The following FUT8 variants were observed in gnomAD, a reference collection of about 807,000 sequenced individuals.
FUT8 encodes fucosyltransferase 8, also known as alpha-(1,6)-fucosyltransferase.
In FUT8, 29 loss-of-function variants were observed where a neutral mutation model predicts 71.3. That is an observed-to-expected ratio of 0.41 (90% confidence interval 0.30 to 0.55). FUT8 has a LOEUF of 0.55. FUT8 is among the 20% of genes least tolerant of loss of function. FUT8 has a pLI of 0.34. For missense variants in FUT8, 544 were observed against 702.1 expected (o/e 0.77, Z 2.55); for synonymous variants, 254 against 239.3 (o/e 1.06, Z -0.57).
At chr14:65,368,695 G>T in the FUT8 span, among the ~76,000 whole-genome samples, 9 of 147,936 alleles carry the variant, frequency 6.1e-5, 2 homozygotes, top group East Asian at 1.3e-3. Context: ...CTAATTTTTT[G>T]TATTTTTAGT....
At chr14:65,508,491 GTTTTTTT>G (rs34809476) in intron 2 of FUT8, among the ~76,000 whole-genome samples, 92 of 46,470 alleles carry the variant, frequency 2.0e-3, no homozygotes, top group Non-Finnish European at 3.4e-3. Context: ...AGTTGTTTGA[GTTTTTTT>G]TTTTTTTTTT....
intron 2 of FUT8, among the ~76,000 whole-genome samples, chr14:65,531,475 A>T (rs749467621): frequency 2.0e-5 from 3 of 151,148 alleles, no homozygotes; most frequent in East Asian, 3.9e-4. Context: ...TGTGAGTCTT[A>T]AAAAAAAATG....
At chr14:65,654,859 GA>G (rs200651986) in intron 6 of FUT8, among the ~76,000 whole-genome samples, 6 of 150,084 alleles carry the variant, frequency 4.0e-5, no homozygotes, top group Non-Finnish European at 5.9e-5. Context: ...AAGAAAGAGA[GA>G]AAAAAAAATA....
At chr14:65,592,864 C>T (rs528141008) in intron 3 of FUT8, among the ~76,000 whole-genome samples, 41 of 152,268 alleles carry the variant, frequency 2.7e-4, no homozygotes, top group African/African-American at 9.4e-4. Flanking sequence ...TATCTTGAGT[C>T]ATTCTTTAAT....
At chr14:65,405,647 A>G (rs2065086854), upstream of FUT8, among the ~76,000 whole-genome samples, 1 of 152,264 alleles carries the variant, frequency 6.6e-6, no homozygotes, top group South Asian at 2.1e-4. Context: ...GGGAAAGCCT[A>G]GAAACAGAGG....
intron 6 of FUT8, among the ~76,000 whole-genome samples, chr14:65,634,950 T>C (rs1030772125): frequency 5.9e-5 from 9 of 152,376 alleles, no homozygotes; most frequent in Non-Finnish European, 1.3e-4. Flanking sequence ...ATGTTGATTC[T>C]GCCCATCCAT....
the FUT8 span, among the ~76,000 whole-genome samples, chr14:65,382,430 G>A: frequency 5.3e-5 from 8 of 152,200 alleles, no homozygotes; most frequent in East Asian, 1.9e-4. Context: ...TTCGCCTCCC[G>A]AGTTCAAGTG....
At chr14:65,363,283 GGCTAATTT>G in the FUT8 span, among the ~76,000 whole-genome samples, 1 of 51,322 alleles carries the variant, frequency 1.9e-5, no homozygotes, top group Non-Finnish European at 8.8e-5. Context: ...CACCAAGCCT[GGCTAATTT>G]TTGTATTTTT....
intron 6 of FUT8, among the ~76,000 whole-genome samples, chr14:65,649,190 CT>C (rs2140317240): frequency 6.6e-6 from 1 of 152,306 alleles, no homozygotes; most frequent in East Asian, 1.9e-4. Context: ...ATATCAGAAA[CT>C]GTCTAGGATT....
intron 10 of FUT8, among the ~76,000 whole-genome samples, chr14:65,740,957 A>G (rs1350427823): frequency 6.6e-6 from 1 of 152,040 alleles, no homozygotes; most frequent in Admixed American, 6.6e-5. Context: ...CAGATAAGCA[A>G]TTACTATGAG....
intron 2 of FUT8, among the ~76,000 whole-genome samples, chr14:65,547,879 A>T (rs28871950): frequency 0.069 from 10,536 of 151,932 alleles, 673 homozygotes; most frequent in East Asian, 0.19. Flanking sequence ...AATACTCTAA[A>T]CTACAGACTA....
chr14:65,375,997 C>T, the FUT8 span, among the ~76,000 whole-genome samples: 1 of 150,916 alleles, frequency 6.6e-6, no homozygotes, highest in South Asian at 2.1e-4. Flanking sequence ...AAGCTGAGGC[C>T]GGAGAATCGC....
chr14:65,456,447 G>A (rs954615531), intron 2 of FUT8, among the ~76,000 whole-genome samples: 3 of 152,118 alleles, frequency 2.0e-5, no homozygotes, highest in Non-Finnish European at 4.4e-5. Context: ...TTATTGCTGA[G>A]TAGTGTTCCA....
chr14:65,558,083 C>T (rs941055749), intron 2 of FUT8, among the ~76,000 whole-genome samples: 1 of 151,908 alleles, frequency 6.6e-6, no homozygotes, highest in Non-Finnish European at 1.5e-5. Context: ...GTAATCCCTA[C>T]ACTTTGGGAG....
At chr14:65,381,639 G>A in the FUT8 span, among the ~76,000 whole-genome samples, 2 of 152,100 alleles carry the variant, frequency 1.3e-5, no homozygotes, top group African/African-American at 4.8e-5. Flanking sequence ...ATAATGGCTT[G>A]AGCTCACTCA....
intron 3 of FUT8, among the ~76,000 whole-genome samples, chr14:65,567,894 G>T (rs1276377933): frequency 6.6e-6 from 1 of 151,824 alleles, no homozygotes; most frequent in East Asian, 1.9e-4. Context: ...TTTCCTTCTT[G>T]TGATGTCTTT....
intron 7 of FUT8, among the ~76,000 whole-genome samples, chr14:65,693,456 A>G (rs1166414919): frequency 1.3e-5 from 2 of 152,224 alleles, no homozygotes; most frequent in East Asian, 3.9e-4. Flanking sequence ...AGACGGCGAG[A>G]TGGCAGCAGT....
intron 7 of FUT8, among the ~76,000 whole-genome samples, chr14:65,689,320 C>A (rs1158547818): frequency 6.6e-6 from 1 of 152,170 alleles, no homozygotes; most frequent in Non-Finnish European, 1.5e-5. Flanking sequence ...GATGTCTGCT[C>A]AGGTCTTTTG....
intron 6 of FUT8, among the ~76,000 whole-genome samples, chr14:65,651,123 C>G (rs533274751): frequency 1.3e-5 from 2 of 152,138 alleles, no homozygotes; most frequent in Non-Finnish European, 2.9e-5. Flanking sequence ...CCCTGACCGC[C>G]GTTTCCATCC....
Sources: gnomAD v4.1 joint callset for allele counts (sites outside exome capture counted in the v4.1 genomes callset) on GRCh38, gnomAD v4.1.1 for gene constraint, MANE v1.5 for transcripts, NCBI Gene and HGNC (gene_info 2026-07-23, HGNC 2026-07-21) for gene names.